The following MYH13 variants were observed in gnomAD, a reference collection of about 807,000 sequenced individuals.
MYH13 encodes the protein myosin-13.
MYH13 carries 177 observed loss-of-function variants against 232.1 expected under a neutral mutation model. The ratio of observed to expected loss-of-function variants is 0.76; its 90% CI spans 0.67 to 0.86. The LOEUF is 0.86. Ranked by LOEUF, MYH13 falls within the 40% of genes least tolerant of loss-of-function variation. The pLI, the probability that MYH13 is intolerant of heterozygous loss-of-function variation, is 0.00. For synonymous variants in MYH13, 884 were observed against 923.5 expected (o/e 0.96, Z 0.78); for missense variants, 2,246 against 2,405.9 (o/e 0.93, Z 1.39).
chr17:10,339,770 T>A (rs767817620), intron 18 of MYH13, among the ~76,000 whole-genome samples: 5 of 152,198 alleles, frequency 3.3e-5, no homozygotes, highest in African/African-American at 4.8e-5. Context: ...ATTGCATAGG[T>A]CACACTTAGA....
Position 10,301,597 on chromosome 17 carries a change from C to T in MYH13, c.5774G>A (p.Arg1925Lys), listed in dbSNP as rs1470414088. ...GCTGCCCACGTCTCGGCTCTTGGCC[C>T]TCAGCTTGTTGACCTGGGACTCAGC... ...DIAESQVNKL[R>K]AKSRDVGSQK... Residue 1925 changes from arginine to lysine, a missense_variant, in exon 40 of 41, where the codon AGG becomes AAG. Coordinates refer to ENST00000252172, the MANE Select transcript of MYH13 (RefSeq NM_003802.3). 3 of 1,614,092 alleles carry T rather than the reference C, an allele frequency of 1.9e-6. No homozygotes were observed. The highest frequency in any genetic ancestry group is 2.7e-5 in the African/African-American group (2 of 74,934).
chr17:10,339,387 T>G (rs554286380), intron 18 of MYH13, among the ~76,000 whole-genome samples: 44 of 152,350 alleles, frequency 2.9e-4, no homozygotes, highest in African/African-American at 1.0e-3. Flanking sequence ...TATTTATATA[T>G]AGTCTCTGAT....
At chr17:10,312,792 A>G (rs1273791128) in intron 30 of MYH13, 35 bp from the exon 31 acceptor site, 1 of 1,583,148 alleles carries the variant, frequency 6.3e-7, no homozygotes, top group Non-Finnish European at 8.6e-7. Flanking sequence ...CCCCTTCGCA[A>G]AGGTGGAATA....
intron 18 of MYH13, among the ~76,000 whole-genome samples, chr17:10,336,194 T>C (rs2071573923): frequency 6.6e-6 from 1 of 151,888 alleles, no homozygotes; most frequent in Non-Finnish European, 1.5e-5. Context: ...CTGAGCTGAG[T>C]TCTCTTAGGG....
intron 8 of MYH13, 134 bp from the exon 9 acceptor site, chr17:10,355,281 G>A: frequency 1.0e-6 from 1 of 971,468 alleles, no homozygotes; most frequent in Non-Finnish European, 1.6e-6. Context: ...GCCTGCTTTG[G>A]TGAACCTTCT....
rs866053819 is a variant in MYH13 at position 10,309,738 on chromosome 17, C to A, written c.4749G>T (p.Lys1583Asn). The A allele has an allele frequency of 6.2e-7, 1 of 1,602,578 alleles. No homozygotes were observed. Residue 1583 changes from lysine to asparagine, a missense_variant, in exon 34 of 41, where the codon AAG becomes AAT. Physicochemically the swap from Lys to Asn is moderately conservative, Grantham distance 94. Coordinates refer to ENST00000252172, the MANE Select transcript of MYH13 (RefSeq NM_003802.3). ...TTTTTAGCTGCTCGATTTCTTCATC[C>A]TTCTCAATGACCTTGCGGTCTAGCT... ...KSELDRKVIEKDEEIEQLKRN... is the reference protein window; with the variant it reads ...KSELDRKVIENDEEIEQLKRN...
At chr17:10,370,221 C>T (rs2071867805) in intron 2 of MYH13, among the ~76,000 whole-genome samples, 1 of 152,268 alleles carries the variant, frequency 6.6e-6, no homozygotes, top group Admixed American at 6.5e-5. Context: ...TGACGCACCA[C>T]TCCGTGTCGA....
chr17:10,356,003 G>C (rs2071746924), intron 8 of MYH13, among the ~76,000 whole-genome samples: 1 of 151,938 alleles, frequency 6.6e-6, no homozygotes, highest in Non-Finnish European at 1.5e-5. Context: ...AACAACTCAG[G>C]GTCTAGGTGG....
intron 2 of MYH13, among the ~76,000 whole-genome samples, chr17:10,366,499 G>C (rs1056931661): frequency 6.7e-6 from 1 of 149,456 alleles, no homozygotes; most frequent in Non-Finnish European, 1.5e-5. Flanking sequence ...TCCTGCCTCA[G>C]TCTCTTGAGT....
At position 10,362,301 on chromosome 17, in the gene MYH13, T is replaced by A. The variant is rs780168671; in HGVS notation, c.349-27A>T. On this transcript the variant is annotated intron_variant, in intron 4 of 40. Coordinates refer to ENST00000252172, the MANE Select transcript of MYH13 (RefSeq NM_003802.3). ...TGGGAAGATCAGAACATTTATCATT[T>A]GGATCTCGTTTTTACTCAGAGAGAG... 11 of 1,613,940 alleles carry A rather than the reference T, an allele frequency of 6.8e-6. 1 individual carries two copies. In the South Asian group the frequency reaches 1.2e-4, roughly 18 times the overall value.
At chr17:10,365,682 T>G (rs2071828312) in intron 2 of MYH13, among the ~76,000 whole-genome samples, 1 of 152,208 alleles carries the variant, frequency 6.6e-6, no homozygotes, top group Admixed American at 6.5e-5. Flanking sequence ...CAGCACCTGC[T>G]TTTTAACAAG....
intron 29 of MYH13, 146 bp downstream of exon 29, chr17:10,315,547 G>T: frequency 1.5e-6 from 1 of 684,544 alleles, no homozygotes; most frequent in Admixed American, 2.8e-5. Context: ...ATCTGCCTTG[G>T]CCTCCCAAAG....
At chr17:10,321,801 T>A in intron 23 of MYH13, 93 bp from the exon 24 acceptor site, 1 of 1,221,308 alleles carries the variant, frequency 8.2e-7, no homozygotes, top group South Asian at 1.6e-5. Flanking sequence ...ATTTTTCCTT[T>A]TTCCCTTTTC....
Position 10,301,611 on chromosome 17 carries a change from C to T in MYH13, c.5760G>A (p.Gln1920=), listed in dbSNP as rs763378357. 12 of 1,614,252 alleles carry T rather than the reference C, an allele frequency of 7.4e-6. No homozygotes were observed. In the South Asian group the frequency reaches 1.3e-4, roughly 18 times the overall value. Residue 1920 remains glutamine (Q), a synonymous_variant, in exon 40 of 41, where the codon CAG becomes CAA. Coordinates refer to ENST00000252172, the MANE Select transcript of MYH13 (RefSeq NM_003802.3). ...GGCTCTTGGCCCTCAGCTTGTTGAC[C>T]TGGGACTCAGCGATGTCCGCCCTCT... ...AAERADIAES[Q]VNKLRAKSRD...
In MYH13 at chr17:10,303,389, C is replaced by T. The variant is rs765976474; in HGVS notation, c.5571+5G>A. 5 of 1,613,830 alleles carry T rather than the reference C, an allele frequency of 3.1e-6. No individual in the cohort carries two copies. Among genetic ancestry groups the T allele is most frequent in the African/African-American group, 1.3e-5 (1 of 75,000 alleles). The stretch of plus-strand genomic sequence containing the variant: ...ATTCACTGAGGAGGTTTTTGGGACC[C>T]CTACCTGGTAAGTCATCTCCTTGAC... On this transcript the variant is annotated splice_donor_5th_base_variant and intron_variant, in intron 38 of 40. Transcript: ENST00000252172.
rs1374563403 is a variant in MYH13 at position 10,364,537 on chromosome 17, A to G, written c.-7T>C. ...TTTCTGCGTCAGAGCTCATGACTGCAGAGGGCTGGGAAGACCAGAGGGACT... is the reference window on the plus strand; with the variant it reads ...TTTCTGCGTCAGAGCTCATGACTGCGGAGGGCTGGGAAGACCAGAGGGACT... On this transcript the variant is annotated 5_prime_UTR_variant, in exon 3 of 41. Transcript: ENST00000252172. The G allele has an allele frequency of 3.2e-6, 5 of 1,580,684 alleles. No homozygotes were observed. Among genetic ancestry groups the G allele is most frequent in the East Asian group, 2.3e-5 (1 of 43,780 alleles).
chr17:10,324,754 A>ATTTTTTTTTTTTTT (rs1907137100), intron 22 of MYH13: 1 of 48,996 alleles, frequency 2.0e-5, no homozygotes, highest in African/African-American at 8.1e-5. Context: ...GTCCATATAC[A>ATTTTTTTTTTTTTT]TGTTTTTTTT....
chr17:10,364,740 CAA>C (rs1190011804), intron 2 of MYH13, among the ~76,000 whole-genome samples, 198 bp from the exon 3 acceptor site: 2 of 148,966 alleles, frequency 1.3e-5, no homozygotes, highest in Admixed American at 1.3e-4. Flanking sequence ...TTTATTCTAA[CAA>C]AAAAGTATGA....
rs531118051 is a variant in MYH13 at position 10,342,851 on chromosome 17, GA to G, written c.1894+948del. ...CGTGCCTATAATCCCAGCACTTTGGGAGGTCGAGGCGGGTGGATCACAAGGT... is the reference window on the plus strand; with the variant it reads ...CGTGCCTATAATCCCAGCACTTTGGGGGTCGAGGCGGGTGGATCACAAGGT... On this transcript the variant is annotated intron_variant, in intron 16 of 40. Transcript: ENST00000252172. Among the ~76,000 whole-genome samples, 1,156 of 152,118 alleles carry G rather than the reference GA, an allele frequency of 7.6e-3. 11 individuals are homozygous for G. The highest frequency in any genetic ancestry group is 0.027 in the African/African-American group (1,113 of 41,494).
Sources: allele counts gnomAD v4.1 joint callset (sites outside exome capture counted in the v4.1 genomes callset), GRCh38; gene constraint gnomAD v4.1.1; transcripts MANE v1.5; gene names NCBI Gene and HGNC (gene_info 2026-07-23, HGNC 2026-07-21).